Variants in SEC22A observed in about 807,000 individuals in gnomAD.
SEC22A encodes SEC22 homolog A, vesicle trafficking protein.
Under a neutral mutation model 35.3 loss-of-function variants are expected in SEC22A, and 22 were observed. The observed-to-expected ratio is 0.62, with a 90% CI of 0.45 to 0.89. The LOEUF (loss-of-function observed/expected upper bound fraction) is 0.89, where lower values mean the gene tolerates loss of function less well. Ranked by LOEUF, SEC22A falls within the 40% of genes least tolerant of loss-of-function variation. The probability of loss-of-function intolerance (pLI) is 0.00; values close to 1 mark genes in which losing one functional copy is unlikely to be tolerated. For missense variants in SEC22A, 354 were observed against 362.5 expected (o/e 0.98, Z 0.19); for synonymous variants, 119 against 129.5 (o/e 0.92, Z 0.55).
At chr3:123,225,038 C>G (rs1404074600) in intron 3 of SEC22A, 65 bp from the exon 4 acceptor site, 1 of 1,048,802 alleles carries the variant, frequency 9.5e-7, no homozygotes, top group African/African-American at 1.6e-5. Flanking sequence ...TATCCATAAA[C>G]ATCATATTCT....
intron 4 of SEC22A, among the ~76,000 whole-genome samples, chr3:123,231,732 G>A (rs1276665421): frequency 2.6e-5 from 4 of 152,016 alleles, no homozygotes; most frequent in Admixed American, 1.3e-4. Context: ...ACAAAAACCA[G>A]ATTTGAAGAC....
intron 6 of SEC22A, among the ~76,000 whole-genome samples, chr3:123,262,898 G>C (rs1327729315): frequency 2.0e-5 from 3 of 152,118 alleles, no homozygotes; most frequent in African/African-American, 7.2e-5. Flanking sequence ...GGAGTTGCAA[G>C]AGAGATCTTA....
intron 6 of SEC22A, among the ~76,000 whole-genome samples, chr3:123,263,661 G>A (rs1260037066): frequency 6.6e-6 from 1 of 151,910 alleles, no homozygotes; most frequent in East Asian, 1.9e-4. Context: ...GATTACAGGT[G>A]CGCCACCATG....
intron 2 of SEC22A, among the ~76,000 whole-genome samples, chr3:123,210,273 C>T (rs962295552): frequency 6.6e-6 from 1 of 152,116 alleles, no homozygotes; most frequent in African/African-American, 2.4e-5. Context: ...CTGATTGTAA[C>T]GAGCTAGGGT....
intron 5 of SEC22A, among the ~76,000 whole-genome samples, chr3:123,256,501 T>C (rs1039893164): frequency 1.3e-5 from 2 of 152,202 alleles, no homozygotes; most frequent in African/African-American, 2.4e-5. Flanking sequence ...CCTTTGCCTT[T>C]GATTCTCTTC....
chr3:123,233,775 A>C lies in SEC22A; in HGVS notation c.541+8478A>C, dbSNP rs189844159. On this transcript the variant is annotated intron_variant, in intron 4 of 6. Coordinates refer to ENST00000492595, the MANE Select transcript of SEC22A (RefSeq NM_012430.5). ...GGTGAAAGACAGGATGCTTTTTCCTAAGATCCAGGGACAAGACAAAGATGT... is the reference window on the plus strand; with the variant it reads ...GGTGAAAGACAGGATGCTTTTTCCTCAGATCCAGGGACAAGACAAAGATGT... Among the ~76,000 whole-genome samples, 541 of 152,328 alleles carry C rather than the reference A, an allele frequency of 3.6e-3. 2 individuals carry two copies. The highest frequency in any genetic ancestry group is 4.6e-3 in the Non-Finnish European group (312 of 68,026).
At chr3:123,242,533 A>G (rs1937533541) in intron 4 of SEC22A, among the ~76,000 whole-genome samples, 1 of 144,274 alleles carries the variant, frequency 6.9e-6, no homozygotes, top group Non-Finnish European at 1.5e-5. Context: ...TTTATTCTTT[A>G]ATGAACTCCC....
chr3:123,239,671 GGTT>G (rs1287902627), intron 4 of SEC22A, among the ~76,000 whole-genome samples: 1 of 151,946 alleles, frequency 6.6e-6, no homozygotes, highest in African/African-American at 2.4e-5. Flanking sequence ...TTTTTGATGG[GGTT>G]GTTTGTTTTT....
At chr3:123,203,690 A>T (rs1320352363) in intron 1 of SEC22A, among the ~76,000 whole-genome samples, 1 of 152,198 alleles carries the variant, frequency 6.6e-6, no homozygotes, top group African/African-American at 2.4e-5. Context: ...CTGATGAAGC[A>T]TAGTGATGTA....
At chr3:123,229,300 ATAAAAGT>A (rs1419174430) in intron 4 of SEC22A, among the ~76,000 whole-genome samples, 4 of 152,230 alleles carry the variant, frequency 2.6e-5, no homozygotes, top group East Asian at 3.8e-4. Flanking sequence ...TGAACCTAAA[ATAAAAGT>A]TAAAAGGAAA....
intron 1 of SEC22A, among the ~76,000 whole-genome samples, chr3:123,202,529 C>T (rs1936767072): frequency 6.6e-6 from 1 of 152,062 alleles, no homozygotes; most frequent in African/African-American, 2.4e-5. Flanking sequence ...ACGGAAATCT[C>T]TTGAGACCCT....
intron 4 of SEC22A, among the ~76,000 whole-genome samples, chr3:123,232,835 C>T (rs567585138): frequency 2.6e-5 from 4 of 152,182 alleles, no homozygotes; most frequent in South Asian, 4.2e-4. Flanking sequence ...AATCCAGCAA[C>T]GTATTTAAAA....
intron 2 of SEC22A, among the ~76,000 whole-genome samples, chr3:123,217,373 G>A (rs1384719895): frequency 6.8e-6 from 1 of 147,134 alleles, no homozygotes; most frequent in Admixed American, 6.8e-5. Flanking sequence ...AATTTTTTTT[G>A]TATTTTTTTA....
In SEC22A at chr3:123,268,142, C is replaced by T. The variant is rs139507243; in HGVS notation, c.724-3380C>T. Reference sequence around the variant, plus strand: ...TGCTTATAATGTTCTAGGCTCTCAACATTTGATGGTGTGGGTATGGGTGGG... The same window carrying T: ...TGCTTATAATGTTCTAGGCTCTCAATATTTGATGGTGTGGGTATGGGTGGG... On this transcript the variant is annotated intron_variant, in intron 6 of 6. Coordinates refer to ENST00000492595, the MANE Select transcript of SEC22A (RefSeq NM_012430.5). Among the ~76,000 whole-genome samples the T allele has an allele frequency of 5.9e-5, 9 of 152,254 alleles. No individual in the cohort carries two copies. In the East Asian group the frequency reaches 1.5e-3, roughly 26 times the overall value.
intron 2 of SEC22A, among the ~76,000 whole-genome samples, chr3:123,211,529 A>G (rs1936939428): frequency 6.6e-6 from 1 of 152,094 alleles, no homozygotes; most frequent in Non-Finnish European, 1.5e-5. Flanking sequence ...GCATGATGAC[A>G]GCTCACTGAG....
At chr3:123,248,531 T>C (rs1485998614) in intron 5 of SEC22A, among the ~76,000 whole-genome samples, 1 of 152,176 alleles carries the variant, frequency 6.6e-6, no homozygotes, top group Non-Finnish European at 1.5e-5. Flanking sequence ...AAAATGTATA[T>C]ACAAGATCTT....
Position 123,271,564 on chromosome 3 carries a change from T to G in SEC22A, c.766T>G (p.Ser256Ala). 1.2e-6 allele frequency: 2 copies of G among 1,614,090 alleles called. No homozygotes were observed. The highest frequency in any genetic ancestry group is 1.7e-6 in the Non-Finnish European group (2 of 1,180,002). ...CTACACCGGCTGGCGGAATGTCAAA[T>G]CTTTTTTGACTTTTGGCTTAATCTG... ...VYYTGWRNVKSFLTFGLICLC... is the reference protein window; with the variant it reads ...VYYTGWRNVKAFLTFGLICLC... The change falls in exon 7 of 7, where the codon TCT becomes GCT. Residue 256 changes from serine to alanine, a missense_variant. Transcript: ENST00000492595.
intron 4 of SEC22A, among the ~76,000 whole-genome samples, chr3:123,243,336 T>G (rs1240363491): frequency 2.6e-5 from 4 of 152,246 alleles, no homozygotes; most frequent in African/African-American, 9.6e-5. Flanking sequence ...TGAGACCAAG[T>G]ATATAAAGCA....
intron 6 of SEC22A, among the ~76,000 whole-genome samples, chr3:123,265,277 C>T (rs1175043293): frequency 6.6e-6 from 1 of 152,062 alleles, no homozygotes; most frequent in Non-Finnish European, 1.5e-5. Flanking sequence ...ATTTTGATAT[C>T]TGAGGGAGGT....
Sources: allele counts gnomAD v4.1 joint callset (sites outside exome capture counted in the v4.1 genomes callset), GRCh38; gene constraint gnomAD v4.1.1; transcripts MANE v1.5; gene names NCBI Gene and HGNC (gene_info 2026-07-23, HGNC 2026-07-21).